The following B4GALNT2 variants were observed in gnomAD, a reference collection of about 807,000 sequenced individuals.
The protein encoded by B4GALNT2 is N-acetylneuraminylgalactosylglucosyl-glucoside beta-1,4-N- acetylgalactosaminyltransferase 2.
B4GALNT2 carries 42 observed loss-of-function variants against 51.1 expected under a neutral mutation model. The ratio of observed to expected loss-of-function variants is 0.82; its 90% CI spans 0.64 to 1.06. The LOEUF is 1.06. Among genes scored for constraint, B4GALNT2 ranks in the 50% least tolerant of loss-of-function variants. The probability of loss-of-function intolerance (pLI) is 0.00; values close to 1 mark genes in which losing one functional copy is unlikely to be tolerated. For missense variants in B4GALNT2, 602 were observed against 633.6 expected, an observed-to-expected ratio of 0.95 and a Z score of 0.54; for synonymous variants, 253 against 251.7, an observed-to-expected ratio of 1.01 and a Z score of -0.05.
rs1238874221 is a variant in B4GALNT2, at chr17:49,166,245, A to G, written c.1086A>G (p.Glu362=). The G allele has an allele frequency of 6.2e-7, 1 of 1,613,746 alleles. No individual in the cohort carries two copies. The highest frequency in any genetic ancestry group is 1.3e-5 in the African/African-American group (1 of 74,944). Residue 362 remains glutamate (E), a synonymous_variant, in exon 9 of 11, where the codon GAA becomes GAG. Transcript: ENST00000393354. ...TGGTGGATGTCCTGGAGAAAACAGA[A>G]CTGGACGTGGTAAGGGACAGTTGCC... ...EVLVDVLEKT[E]LDVVGGSVLG...
upstream of B4GALNT2, among the ~76,000 whole-genome samples, chr17:49,127,637 TAAAA>T (rs796221801): frequency 2.2e-4 from 34 of 151,372 alleles, no homozygotes; most frequent in Admixed American, 6.6e-4. Context: ...TTATAAGATT[TAAAA>T]AAAAAAATTT....
upstream of B4GALNT2, among the ~76,000 whole-genome samples, chr17:49,131,067 T>C (rs1461059818): frequency 6.6e-6 from 1 of 152,178 alleles, no homozygotes. Context: ...CCACATAAGC[T>C]TGAATGAGTC....
Position 49,167,409 on chromosome 17 carries a change from G to A in B4GALNT2, c.1095+1155G>A, listed in dbSNP as rs34783273. On this transcript the variant is annotated intron_variant, in intron 9 of 10. Transcript: ENST00000393354. ...GTCACACAGTGAAACGTTGCTGCAA[G>A]GGAGGTGGGGAAATGCAATCTTTTT... 6.7e-3 allele frequency among the ~76,000 whole-genome samples: 1,014 copies of A among 152,270 alleles called. 19 individuals are homozygous for A. The highest frequency in any genetic ancestry group is 0.043 in the Admixed American group (653 of 15,288).
intron 4 of B4GALNT2, among the ~76,000 whole-genome samples, chr17:49,156,329 C>T (rs568886223): frequency 1.3e-5 from 2 of 152,308 alleles, no homozygotes; most frequent in South Asian, 4.1e-4. Context: ...TTCACAGCCT[C>T]CAAAACTGAG....
At chr17:49,133,199 C>T (rs769969951) in intron 1 of B4GALNT2, 3 of 1,499,222 alleles carry the variant, frequency 2.0e-6, no homozygotes, top group Admixed American at 2.5e-5. Flanking sequence ...TTGCTGCCCA[C>T]GGGAGGAGCC....
chr17:49,168,725 G>T lies in B4GALNT2; in HGVS notation c.1140G>T (p.Leu380Phe). The T allele has an allele frequency of 6.2e-7, 1 of 1,614,128 alleles. No individual in the cohort carries two copies. Among genetic ancestry groups the T allele is most frequent in the Non-Finnish European group, 8.5e-7 (1 of 1,180,018 alleles). Residue 380 changes from leucine (L) to phenylalanine (F), a missense_variant, in exon 10 of 11, where the codon TTG (leucine) becomes TTT (phenylalanine). Transcript: ENST00000393354. ...VLGNVFQFKL[L>F]LEQSENGACL... Reference sequence around the variant, plus strand: ...GAAATGTGTTCCAGTTTAAGTTGTTGCTGGAACAGAGTGAGAATGGGGCCT... The same window carrying T: ...GAAATGTGTTCCAGTTTAAGTTGTTTCTGGAACAGAGTGAGAATGGGGCCT...
intron 3 of B4GALNT2, among the ~76,000 whole-genome samples, chr17:49,151,869 T>C (rs2042759549): frequency 1.3e-5 from 2 of 152,226 alleles, no homozygotes; most frequent in African/African-American, 4.8e-5. Flanking sequence ...AGTTTATTTA[T>C]TATTTCAGCG....
At chr17:49,124,596 T>A in the B4GALNT2 span, among the ~76,000 whole-genome samples, 1 of 152,202 alleles carries the variant, frequency 6.6e-6, no homozygotes, top group African/African-American at 2.4e-5. Context: ...TATACAAATA[T>A]AGTCCAAAGA....
At chr17:49,147,998 G>A (rs927122049) in intron 3 of B4GALNT2, among the ~76,000 whole-genome samples, 3 of 150,616 alleles carry the variant, frequency 2.0e-5, no homozygotes, top group Admixed American at 6.6e-5. Flanking sequence ...CAGATTATAA[G>A]TTTATTCAAT....
intron 7 of B4GALNT2, among the ~76,000 whole-genome samples, chr17:49,162,101 C>A (rs144648234): frequency 6.6e-6 from 1 of 151,614 alleles, no homozygotes; most frequent in Non-Finnish European, 1.5e-5. Flanking sequence ...CATTCTCCTG[C>A]GTCAGCCTCC....
At position 49,152,830 on chromosome 17, in the gene B4GALNT2, G is replaced by C. The variant is rs767595744; in HGVS notation, c.384G>C (p.Leu128=). ...REGLPRPLPL[L]VQPNLPFGYP... ...GGCTGCCCCGCCCACTGCCCCTGCT[G>C]GTCCAGCCCAACCTCCCCTTTGGGT... The change falls in exon 4 of 11, where the codon CTG becomes CTC. Residue 128 remains leucine (L), a synonymous_variant. Transcript: ENST00000393354. The C allele has an allele frequency of 1.9e-6, 3 of 1,609,342 alleles. No individual in the cohort carries two copies. In the Admixed American group the frequency reaches 5.0e-5, roughly 27 times the overall value.
At chr17:49,136,064 C>T (rs924297616) in intron 1 of B4GALNT2, among the ~76,000 whole-genome samples, 1 of 141,948 alleles carries the variant, frequency 7.0e-6, no homozygotes, top group Non-Finnish European at 1.5e-5. Context: ...GCCTGGGCAA[C>T]AGAGCGAGAC....
intron 8 of B4GALNT2, 63 bp from the exon 9 acceptor site, chr17:49,166,051 C>T: frequency 6.5e-7 from 1 of 1,538,436 alleles, no homozygotes; most frequent in Middle Eastern, 1.7e-4. Flanking sequence ...ATTTAGAAAG[C>T]TCCCCAGGTG....
rs145438549 is a variant in B4GALNT2 at position 49,158,338 on chromosome 17, A to G, written c.499-699A>G. Among the ~76,000 whole-genome samples, 31 of 152,332 alleles carry G rather than the reference A, an allele frequency of 2.0e-4. No homozygotes were observed. The East Asian group carries it at 5.8e-3, about 28-fold the overall frequency. On this transcript the variant is annotated intron_variant, in intron 5 of 10. Transcript: ENST00000393354. ...CTGAGACTTACTACAATGTGACCCC[A>G]TCTGCAAAAGAACGGGTTTTAAACC...
intron 1 of B4GALNT2, among the ~76,000 whole-genome samples, chr17:49,140,721 T>TA (rs1347266791): frequency 1.7e-5 from 2 of 117,636 alleles, no homozygotes; most frequent in African/African-American, 3.3e-5. Context: ...TTAACATTAC[T>TA]AACCTTTTTT....
At position 49,154,851 on chromosome 17, in the gene B4GALNT2, G is replaced by T. The variant is rs116966634; in HGVS notation, c.461-1715G>T. Among the ~76,000 whole-genome samples the T allele has an allele frequency of 5.3e-4, 81 of 152,124 alleles. 1 individual carries two copies. The East Asian group carries it at 0.015, about 28-fold the overall frequency. On this transcript the variant is annotated intron_variant, in intron 4 of 10. Coordinates refer to ENST00000393354, the MANE Select transcript of B4GALNT2 (RefSeq NM_001159387.2). ...ATGAGAGTTTAGTAAGTTATCAAAGGCCACATAGAGAGGATGTACTTGAAT... is the reference window on the plus strand; with the variant it reads ...ATGAGAGTTTAGTAAGTTATCAAAGTCCACATAGAGAGGATGTACTTGAAT...
chr17:49,150,204 G>A (rs1266881174), intron 3 of B4GALNT2, among the ~76,000 whole-genome samples: 1 of 136,054 alleles, frequency 7.4e-6, no homozygotes, highest in Non-Finnish European at 1.6e-5. Flanking sequence ...AGGTGGGGGG[G>A]TCAGCCCCCC....
At chr17:49,130,277 G>T (rs1214742619), upstream of B4GALNT2, among the ~76,000 whole-genome samples, 2 of 152,206 alleles carry the variant, frequency 1.3e-5, no homozygotes, top group Admixed American at 1.3e-4. Context: ...CTGGTGTGGG[G>T]AAAAGAGCCA....
At chr17:49,158,772 G>T (rs1018409632) in intron 5 of B4GALNT2, among the ~76,000 whole-genome samples, 3 of 152,080 alleles carry the variant, frequency 2.0e-5, no homozygotes, top group African/African-American at 7.2e-5. Flanking sequence ...CAAGAAGAAC[G>T]GAACCCTGCG....
Sources: allele counts gnomAD v4.1 joint callset (sites outside exome capture counted in the v4.1 genomes callset), GRCh38; gene constraint gnomAD v4.1.1; transcripts MANE v1.5; gene names NCBI Gene and HGNC (gene_info 2026-07-23, HGNC 2026-07-21).